The following HLA-DPB1 variants were observed in gnomAD, a reference collection of about 807,000 sequenced individuals.
HLA-DPB1 encodes major histocompatibility complex, class II, DP beta 1, also known as HLA class II histocompatibility antigen, DP beta 1 chain.
Under a neutral mutation model 29.4 loss-of-function variants are expected in HLA-DPB1, and 30 were observed. The ratio of observed to expected loss-of-function variants is 1.02; its 90% CI spans 0.76 to 1.38. HLA-DPB1 has a LOEUF of 1.38. Among genes scored for constraint, HLA-DPB1 ranks in the 40% most tolerant of loss-of-function variants. The pLI is 0.00. For synonymous variants in HLA-DPB1, 114 were observed against 134.0 expected, an observed-to-expected ratio of 0.85 and a Z score of 1.03; for missense variants, 261 against 327.5, an observed-to-expected ratio of 0.80 and a Z score of 1.57.
rs1289183546 is a variant in HLA-DPB1 at position 33,089,027 on chromosome 6, AATC to A, written c.*2497_*2499del. On this transcript the variant is annotated 3_prime_UTR_variant, in exon 6 of 6. Coordinates refer to ENST00000418931, the MANE Select transcript of HLA-DPB1 (RefSeq NM_002121.6). ...GTTATCAAGGGGTACCCTAAGAAGA[AATC>A]ATCTCACCCTCTCTTTGTCCCCATT... 6.6e-6 allele frequency among the ~76,000 whole-genome samples: 1 copy of A among 152,002 alleles called. No individual in the cohort carries two copies. The highest frequency in any genetic ancestry group is 1.5e-5 in the Non-Finnish European group (1 of 68,020).
chr6:33,077,003 T>G (rs1273143497), intron 1 of HLA-DPB1, among the ~76,000 whole-genome samples: 1 of 151,918 alleles, frequency 6.6e-6, no homozygotes, highest in Non-Finnish European at 1.5e-5. Flanking sequence ...ATGTGCCATG[T>G]TGGTGTGCTG....
intron 1 of HLA-DPB1, among the ~76,000 whole-genome samples, chr6:33,078,513 A>T (rs1195869855): frequency 6.6e-6 from 1 of 152,200 alleles, no homozygotes; most frequent in Non-Finnish European, 1.5e-5. Flanking sequence ...AGAGGTTTTT[A>T]ATATATCCTA....
intron 1 of HLA-DPB1, among the ~76,000 whole-genome samples, chr6:33,078,234 G>C (rs1313861949): frequency 6.6e-6 from 1 of 152,164 alleles, no homozygotes; most frequent in Non-Finnish European, 1.5e-5. Context: ...AGATGAGGCA[G>C]TGGAGCCATG....
intron 2 of HLA-DPB1, chr6:33,081,183 C>T: frequency 1.9e-6 from 1 of 520,910 alleles, no homozygotes; most frequent in Non-Finnish European, 3.3e-6. Flanking sequence ...GGCCTGGCAG[C>T]TGACTGCATG....
intron 1 of HLA-DPB1, among the ~76,000 whole-genome samples, chr6:33,077,638 C>T (rs186704996): frequency 3.3e-5 from 5 of 152,290 alleles, no homozygotes; most frequent in Admixed American, 2.0e-4. Flanking sequence ...ATTGTACTCT[C>T]AGGACATTTC....
At position 33,080,975 on chromosome 6, in the gene HLA-DPB1, C is replaced by T. The variant is rs762203432; in HGVS notation, c.364+40C>T. 3 of 1,530,350 alleles carry T rather than the reference C, an allele frequency of 2.0e-6. No homozygotes were observed. Among genetic ancestry groups the T allele is most frequent in the Admixed American group, 3.9e-5 (2 of 50,966 alleles). The allele number at this position is 1,530,350 out of a possible 1,614,324, so 94.8% of individuals were successfully genotyped here. A position where few individuals can be genotyped will look rare whatever the true frequency, so the allele number is the denominator to read the frequency against. ...TGGGCCGGCGGTCCCAGGGCAGCCC[C>T]GCGGGCCCGTGCCCAGGGCGCAGGA... is the stretch of plus-strand genomic sequence containing the variant. On this transcript the variant is annotated intron_variant, in intron 2 of 5. Coordinates refer to ENST00000418931, the MANE Select transcript of HLA-DPB1 (RefSeq NM_002121.6). The surrounding 1 kb of genome is among the most constrained non-coding windows in gnomAD (Gnocchi z 4.3).
chr6:33,086,457 A>G, intron 5 of HLA-DPB1, 82 bp from the exon 6 acceptor site: 1 of 702,764 alleles, frequency 1.4e-6, no homozygotes, highest in South Asian at 1.5e-5. Context: ...CCTGAGACGC[A>G]TCCTCTCACC....
chr6:33,081,098 C>A (rs1762843214), intron 2 of HLA-DPB1, 163 bp downstream of exon 2: 1 of 806,544 alleles, frequency 1.2e-6, no homozygotes, highest in Non-Finnish European at 1.9e-6. Context: ...GTCAGGGGAG[C>A]GAGCGCGGGG....
chr6:33,077,453 C>T (rs1762601772), intron 1 of HLA-DPB1, among the ~76,000 whole-genome samples: 2 of 152,152 alleles, frequency 1.3e-5, no homozygotes, highest in Admixed American at 1.3e-4. Flanking sequence ...ATGGCTGGGT[C>T]AAATGGTATT....
chr6:33,076,632 G>C (rs950739889), intron 1 of HLA-DPB1, among the ~76,000 whole-genome samples: 2 of 152,164 alleles, frequency 1.3e-5, no homozygotes, highest in Non-Finnish European at 2.9e-5. Context: ...ATTAAGGAGA[G>C]AAGGGAGGGA....
At chr6:33,086,046 G>A in intron 4 of HLA-DPB1, 157 bp downstream of exon 4, 1 of 780,826 alleles carries the variant, frequency 1.3e-6, no homozygotes, top group Non-Finnish European at 2.2e-6. Flanking sequence ...GCGAGAGAGG[G>A]ATCCCAGGCT....
At chr6:33,084,755 C>T (rs1248059551) in intron 2 of HLA-DPB1, among the ~76,000 whole-genome samples, 195 bp from the exon 3 acceptor site, 5 of 151,702 alleles carry the variant, frequency 3.3e-5, no homozygotes, top group African/African-American at 9.7e-5. Flanking sequence ...GCCAATATTG[C>T]GCCACTGCAT....
In HLA-DPB1 at chr6:33,076,084, C is replaced by A. The variant is rs771074929; in HGVS notation, c.43C>A (p.Leu15Met). The A allele has an allele frequency of 6.2e-7, 1 of 1,612,620 alleles. No homozygotes were observed. Among genetic ancestry groups the A allele is most frequent in the Admixed American group, 1.7e-5 (1 of 59,998 alleles). Residue 15 changes from leucine (L) to methionine (M), a missense_variant, in exon 1 of 6, where the codon CTG becomes ATG. Leu to Met is a conservative substitution (Grantham distance 15, BLOSUM62 2). Coordinates refer to ENST00000418931, the MANE Select transcript of HLA-DPB1 (RefSeq NM_002121.6). ...TTCTGCGGCCCCCCGGACAGTGGCT[C>A]TGACGGCGTTACTGATGGTGCTGCT... The part of the protein sequence containing the change: ...QVSAAPRTVA[L>M]TALLMVLLTS...
rs149502905 is a variant in HLA-DPB1, at chr6:33,076,582, T to C, written c.100+441T>C. ...TTCAGTGCTCACGAAGAATGCCTCT[T>C]ATTCCCCAGGGTGGAGCAGGAGCCC... On this transcript the variant is annotated intron_variant, in intron 1 of 5. Coordinates refer to ENST00000418931, the MANE Select transcript of HLA-DPB1 (RefSeq NM_002121.6). 3.6e-3 allele frequency among the ~76,000 whole-genome samples: 542 copies of C among 152,294 alleles called. 3 individuals are homozygous for C. Among genetic ancestry groups the C allele is most frequent in the East Asian group, 0.026 (133 of 5,184 alleles).
At chr6:33,085,694 G>A in intron 3 of HLA-DPB1, 85 bp from the exon 4 acceptor site, 2 of 928,162 alleles carry the variant, frequency 2.2e-6, no homozygotes, top group African/African-American at 1.6e-5. Context: ...CCGATATGCT[G>A]CATCAGGCTC....
Position 33,085,800 on chromosome 6 carries a change from G to A in HLA-DPB1, c.668G>A (p.Arg223Gln), listed in dbSNP as rs9276. The part of the protein sequence containing the change: ...VEWKAQSDSA[R>Q]SKTLTGAGGF... ...CCAGAGGCACAGTCTGATTCTGCCC[G>A]GAGTAAGACATTGACGGGAGCTGGG... The change falls in exon 4 of 6, where the codon CGG (arginine) becomes CAG (glutamine). Residue 223 changes from arginine to glutamine, a missense_variant. Arg to Gln is a conservative substitution (Grantham distance 43). Transcript: ENST00000418931. The A allele has an allele frequency of 0.068, 109,352 of 1,613,232 alleles. 7,239 individuals are homozygous for A. Among genetic ancestry groups the A allele is most frequent in the African/African-American group, 0.34 (25,262 of 74,856 alleles).
chr6:33,086,828 T>C lies in HLA-DPB1; in HGVS notation c.*294T>C. On this transcript the variant is annotated 3_prime_UTR_variant, in exon 6 of 6. Coordinates refer to ENST00000418931, the MANE Select transcript of HLA-DPB1 (RefSeq NM_002121.6). ...CAAATCATCTCTCATCACTTTTCTC[T>C]GAGGGTTTTAGTAGACAGTAGGAGT... is the stretch of plus-strand genomic sequence containing the variant. The C allele has an allele frequency of 3.2e-6, 1 of 313,692 alleles. No homozygotes were observed. The highest frequency in any genetic ancestry group is 6.3e-6 in the Non-Finnish European group (1 of 159,964). The allele number at this position is 313,692 out of a possible 1,614,324, so 19.4% of individuals were successfully genotyped here.
At chr6:33,079,949 AC>A (rs1762747866) in intron 1 of HLA-DPB1, 1 of 231,256 alleles carries the variant, frequency 4.3e-6, no homozygotes, top group East Asian at 1.2e-4. Flanking sequence ...AAAGGACTCT[AC>A]CCCCACAGGT....
At chr6:33,083,226 TTG>T (rs1409693200) in intron 2 of HLA-DPB1, among the ~76,000 whole-genome samples, 1 of 151,968 alleles carries the variant, frequency 6.6e-6, no homozygotes, top group African/African-American at 2.4e-5. Context: ...GGAGTAAGGG[TTG>T]TGTGTCAGTT....
Sources: gnomAD v4.1 joint callset for allele counts (sites outside exome capture counted in the v4.1 genomes callset) on GRCh38, gnomAD v4.1.1 for gene constraint, Gnocchi (gnomAD v3.1) non-coding constraint, MANE v1.5 for transcripts, NCBI Gene and HGNC (gene_info 2026-07-23, HGNC 2026-07-21) for gene names.